CDH18: variants seen among roughly 807,000 people sequenced by gnomAD.
The protein encoded by CDH18 is cadherin 18.
In CDH18, 31 loss-of-function variants were observed where a neutral mutation model predicts 67.9. The ratio of observed to expected loss-of-function variants is 0.46; its 90% CI spans 0.34 to 0.62. The LOEUF is 0.62. Among genes scored for constraint, CDH18 ranks in the 20% least tolerant of loss-of-function variants. The pLI, the probability that CDH18 is intolerant of heterozygous loss-of-function variation, is 0.01. For synonymous variants in CDH18, 362 were observed against 347.2 expected (o/e 1.04, Z -0.48); for missense variants, 890 against 975.5 (o/e 0.91, Z 1.17).
intron 8 of CDH18, among the ~76,000 whole-genome samples, chr5:19,562,288 T>C (rs909153801): frequency 6.6e-6 from 1 of 152,208 alleles, no homozygotes; most frequent in Admixed American, 6.5e-5. Flanking sequence ...AAACTCTTAA[T>C]AATTTCTTTT....
At chr5:20,491,020 T>A in intron 1 of CDH18, among the ~76,000 whole-genome samples, 1 of 152,148 alleles carries the variant, frequency 6.6e-6, no homozygotes, top group East Asian at 1.9e-4. Flanking sequence ...AAAGTGACAT[T>A]TATTTTCATG....
chr5:20,125,755 C>T (rs781716292), intron 2 of CDH18, among the ~76,000 whole-genome samples: 12 of 152,078 alleles, frequency 7.9e-5, no homozygotes, highest in Non-Finnish European at 1.8e-4. Flanking sequence ...GCAGACTTCA[C>T]GCTGAGCACT....
chr5:19,633,053 C>A (rs563972807), intron 5 of CDH18, among the ~76,000 whole-genome samples: 2 of 152,166 alleles, frequency 1.3e-5, no homozygotes, highest in Non-Finnish European at 2.9e-5. Flanking sequence ...TGGCCTTCAG[C>A]GTGCTTATTT....
chr5:19,778,139 A>T (rs1774611211), intron 3 of CDH18, among the ~76,000 whole-genome samples: 1 of 152,198 alleles, frequency 6.6e-6, no homozygotes, highest in Non-Finnish European at 1.5e-5. Context: ...ACCTTTGCCA[A>T]ACCCAACTCC....
chr5:20,314,406 T>C (rs1737274400), intron 1 of CDH18, among the ~76,000 whole-genome samples: 1 of 152,084 alleles, frequency 6.6e-6, no homozygotes, highest in South Asian at 2.1e-4. Context: ...CCATATACAT[T>C]TGAGCCATCC....
intron 1 of CDH18, among the ~76,000 whole-genome samples, chr5:20,292,720 A>C (rs1351496491): frequency 6.6e-6 from 1 of 151,934 alleles, no homozygotes; most frequent in Non-Finnish European, 1.5e-5. Context: ...TCTTGAGATT[A>C]CTTGTCTTAT....
intron 2 of CDH18, among the ~76,000 whole-genome samples, chr5:19,868,764 C>CA (rs1196222671): frequency 2.0e-5 from 3 of 152,000 alleles, no homozygotes; most frequent in African/African-American, 7.2e-5. Flanking sequence ...TTACAGAGTT[C>CA]AAAAAATAGC....
At chr5:20,371,693 G>A (rs77488796) in intron 1 of CDH18, among the ~76,000 whole-genome samples, 3,242 of 152,264 alleles carry the variant, frequency 0.021, 77 homozygotes, top group African/African-American at 0.055. Flanking sequence ...ATGAAAGCAG[G>A]TTCAGTAGAG....
chr5:20,546,720 C>G (rs1344516856), intron 1 of CDH18, among the ~76,000 whole-genome samples: 1 of 150,274 alleles, frequency 6.7e-6, no homozygotes, highest in Non-Finnish European at 1.5e-5. Flanking sequence ...GGTAGGGACA[C>G]AGAGTCAAAC....
At chr5:20,515,246 C>G (rs1755287577) in intron 1 of CDH18, among the ~76,000 whole-genome samples, 1 of 150,358 alleles carries the variant, frequency 6.7e-6, no homozygotes, top group Admixed American at 6.7e-5. Context: ...GAGTATAAAT[C>G]TTCCCAGTGG....
intron 8 of CDH18, among the ~76,000 whole-genome samples, chr5:19,563,898 A>G (rs767536064): frequency 2.0e-5 from 3 of 152,198 alleles, no homozygotes; most frequent in Non-Finnish European, 2.9e-5. Context: ...GCACAAAGAG[A>G]GAATCTGTGC....
intron 1 of CDH18, among the ~76,000 whole-genome samples, chr5:20,508,153 G>A (rs1754764152): frequency 1.3e-5 from 2 of 151,518 alleles, no homozygotes; most frequent in African/African-American, 2.4e-5. Flanking sequence ...TCTTTATGTA[G>A]TCCACTTAAC....
At chr5:20,536,398 G>A (rs1169191381) in intron 1 of CDH18, among the ~76,000 whole-genome samples, 1 of 152,106 alleles carries the variant, frequency 6.6e-6, no homozygotes, top group Non-Finnish European at 1.5e-5. Context: ...TCAAAGATCT[G>A]CAATACCAGT....
intron 3 of CDH18, among the ~76,000 whole-genome samples, chr5:19,759,565 A>G (rs1303310615): frequency 6.6e-6 from 1 of 152,138 alleles, no homozygotes; most frequent in African/African-American, 2.4e-5. Flanking sequence ...GTCAGACCAG[A>G]GCTAAAACTC....
intron 5 of CDH18, among the ~76,000 whole-genome samples, chr5:19,648,405 A>G (rs540719980): frequency 6.6e-6 from 1 of 152,236 alleles, no homozygotes; most frequent in East Asian, 1.9e-4. Context: ...ACAGAGCACA[A>G]TTTGGTCTCA....
chr5:19,916,006 C>T (rs1200437214), intron 2 of CDH18, among the ~76,000 whole-genome samples: 2 of 152,138 alleles, frequency 1.3e-5, no homozygotes, highest in Non-Finnish European at 2.9e-5. Context: ...CTTTAAGTTG[C>T]TCCAGCCATT....
At chr5:20,197,943 A>T (rs572433640) in intron 2 of CDH18, among the ~76,000 whole-genome samples, 4 of 152,180 alleles carry the variant, frequency 2.6e-5, no homozygotes, top group African/African-American at 9.6e-5. Flanking sequence ...GGTTTCCCCT[A>T]TGCTGCTTTT....
intron 1 of CDH18, among the ~76,000 whole-genome samples, chr5:20,451,974 T>A (rs997407863): frequency 1.3e-5 from 2 of 152,162 alleles, no homozygotes; most frequent in Admixed American, 1.3e-4. Context: ...TGCATATAGT[T>A]CTTTAAGAAA....
intron 1 of CDH18, chr5:20,575,346 T>C (rs1759059607): frequency 6.6e-6 from 1 of 152,100 alleles, no homozygotes; most frequent in Non-Finnish European, 1.5e-5. Flanking sequence ...TACTTGTGTA[T>C]AGAATTTACT....
Sources: gnomAD v4.1 joint callset for allele counts (sites outside exome capture counted in the v4.1 genomes callset) on GRCh38, gnomAD v4.1.1 for gene constraint, MANE v1.5 for transcripts, NCBI Gene and HGNC (gene_info 2026-07-23, HGNC 2026-07-21) for gene names.